Variants in BANP observed in about 807,000 individuals in gnomAD.
The protein encoded by BANP is BTG3 associated nuclear protein, also known as protein BANP.
Under a neutral mutation model 68.1 loss-of-function variants are expected in BANP, and 11 were observed. The ratio of observed to expected loss-of-function variants is 0.16; its 90% CI spans 0.10 to 0.27. The LOEUF (loss-of-function observed/expected upper bound fraction) is 0.27, where lower values mean the gene tolerates loss of function less well. Ranked by LOEUF, BANP falls within the 10% of genes least tolerant of loss-of-function variation. The probability of loss-of-function intolerance (pLI) is 1.00; values close to 1 mark genes in which losing one functional copy is unlikely to be tolerated. For missense variants in BANP, 504 were observed against 722.7 expected (o/e 0.70, Z 3.47); for synonymous variants, 329 against 303.2 (o/e 1.09, Z -0.88).
intron 1 of BANP, among the ~76,000 whole-genome samples, chr16:87,973,276 G>A (rs960147067): frequency 6.6e-6 from 1 of 151,582 alleles, no homozygotes; most frequent in African/African-American, 2.4e-5. Flanking sequence ...TTTTGTTAGG[G>A]ACAGTTGATT....
intron 6 of BANP, among the ~76,000 whole-genome samples, chr16:88,009,566 G>A (rs1460314334): frequency 2.6e-5 from 4 of 152,130 alleles, no homozygotes; most frequent in Non-Finnish European, 4.4e-5. Flanking sequence ...CATTACACAC[G>A]CTCCACTGGA....
intron 7 of BANP, among the ~76,000 whole-genome samples, chr16:88,024,527 G>T (rs1327401053): frequency 1.3e-5 from 2 of 152,242 alleles, no homozygotes; most frequent in African/African-American, 4.8e-5. Flanking sequence ...GCTCAGTGCT[G>T]TCAGAAAAGG....
intron 1 of BANP, among the ~76,000 whole-genome samples, chr16:87,973,488 C>T (rs887738367): frequency 2.6e-5 from 4 of 152,140 alleles, no homozygotes; most frequent in African/African-American, 7.2e-5. Flanking sequence ...AGGCCGGGCG[C>T]GGTGGCTCAC....
intron 5 of BANP, among the ~76,000 whole-genome samples, chr16:88,005,374 CTT>C (rs1424939037): frequency 1.3e-5 from 2 of 152,148 alleles, no homozygotes; most frequent in Non-Finnish European, 2.9e-5. Flanking sequence ...TTTTTTTTGA[CTT>C]TGCATATAGA....
intron 1 of BANP, among the ~76,000 whole-genome samples, chr16:87,970,382 T>C (rs56251630): frequency 0.24 from 36,801 of 152,112 alleles, 4,970 homozygotes; most frequent in East Asian, 0.49. Context: ...TGTGTGTTTT[T>C]CTTTTTCTGA....
chr16:87,975,268 T>C (rs2061805405), intron 2 of BANP, 83 bp downstream of exon 2: 2 of 1,405,318 alleles, frequency 1.4e-6, no homozygotes, highest in Non-Finnish European at 1.0e-6. Context: ...TTTTCTTTCC[T>C]TTAAGCAGAA....
At chr16:87,973,688 G>C (rs528748052) in intron 1 of BANP, among the ~76,000 whole-genome samples, 2 of 148,482 alleles carry the variant, frequency 1.3e-5, no homozygotes, top group African/African-American at 4.9e-5. Context: ...GAACCCAGGA[G>C]GTGGAGGTAA....
intron 13 of BANP, among the ~76,000 whole-genome samples, chr16:88,072,566 C>T (rs1053703322): frequency 6.6e-6 from 1 of 152,232 alleles, no homozygotes; most frequent in Admixed American, 6.5e-5. Context: ...CCCTGCCCCA[C>T]TCGTTGAAGG....
intron 5 of BANP, among the ~76,000 whole-genome samples, chr16:88,005,044 A>G (rs938649573): frequency 2.6e-5 from 4 of 151,930 alleles, no homozygotes; most frequent in Admixed American, 6.5e-5. Context: ...ACAAAGTTCT[A>G]TTTGCTTTTT....
chr16:88,063,274 C>T (rs1372618821), intron 11 of BANP, among the ~76,000 whole-genome samples: 1 of 152,244 alleles, frequency 6.6e-6, no homozygotes, highest in African/African-American at 2.4e-5. Flanking sequence ...CCTCTCAGCC[C>T]TCCCCTCCCC....
At chr16:87,991,338 T>G (rs1257303273) in intron 4 of BANP, among the ~76,000 whole-genome samples, 5 of 152,232 alleles carry the variant, frequency 3.3e-5, no homozygotes, top group African/African-American at 4.8e-5. Context: ...GCTTTAGAGA[T>G]ACAATCTAAT....
intron 1 of BANP, among the ~76,000 whole-genome samples, chr16:87,973,768 A>AAAAAGAAAG (rs34197268): frequency 0.15 from 15,436 of 100,868 alleles, 691 homozygotes; most frequent in East Asian, 0.34. Context: ...AAAAAAAAAA[A>AAAAAGAAAG]AAAAAAGAAA....
intron 1 of BANP, among the ~76,000 whole-genome samples, chr16:87,953,470 G>A (rs1023295500): frequency 2.0e-5 from 3 of 152,116 alleles, no homozygotes; most frequent in Admixed American, 1.3e-4. Context: ...CTTAGTAGCC[G>A]CTAATACAGG....
At chr16:88,015,422 C>T (rs1449487775) in intron 6 of BANP, among the ~76,000 whole-genome samples, 1 of 152,250 alleles carries the variant, frequency 6.6e-6, no homozygotes, top group East Asian at 1.9e-4. Flanking sequence ...GTGACTGGGC[C>T]CTGCTTGGTT....
At chr16:87,971,133 TTGAACATTG>T (rs1194924894) in intron 1 of BANP, among the ~76,000 whole-genome samples, 4 of 152,258 alleles carry the variant, frequency 2.6e-5, no homozygotes, top group African/African-American at 9.6e-5. Flanking sequence ...CTTATAGCCA[TTGAACATTG>T]TGAACATTGT....
intron 11 of BANP, among the ~76,000 whole-genome samples, chr16:88,060,644 T>C (rs1038079252): frequency 3.9e-5 from 6 of 152,208 alleles, no homozygotes; most frequent in African/African-American, 1.4e-4. Flanking sequence ...AGGTGGCCTC[T>C]TTCTGTGGGG....
At chr16:88,001,531 A>G (rs1347046698) in intron 4 of BANP, among the ~76,000 whole-genome samples, 4 of 152,258 alleles carry the variant, frequency 2.6e-5, no homozygotes, top group Admixed American at 6.5e-5. Context: ...TAATTTAAAA[A>G]AAGTATTCTT....
At position 88,071,935 on chromosome 16, in the gene BANP, G is replaced by A; in HGVS notation, c.1378-134G>A. 8.6e-7 allele frequency: 1 copy of A among 1,162,692 alleles called. No individual in the cohort carries two copies. Among genetic ancestry groups the A allele is most frequent in the Non-Finnish European group, 1.2e-6 (1 of 809,490 alleles). The allele number at this position is 1,162,692 out of a possible 1,614,324, so 72.0% of individuals were successfully genotyped here. A position where few individuals can be genotyped will look rare whatever the true frequency, so the allele number is the denominator to read the frequency against. On this transcript the variant is annotated intron_variant, in intron 12 of 13. Transcript: ENST00000682872. The surrounding 1 kb of genome is among the most constrained non-coding windows in gnomAD (Gnocchi z 6.5). ...GATGTGCCGCAGAGTCCTCGGTGTG[G>A]CCCTGAGGCCGTGTCCCTGCCGCTC...
chr16:87,985,159 G>A (rs1164832961), intron 4 of BANP, among the ~76,000 whole-genome samples: 3 of 152,228 alleles, frequency 2.0e-5, no homozygotes, highest in East Asian at 1.9e-4. Flanking sequence ...TGTGGGCCTC[G>A]CCAGGGGGTG....
Sources: gnomAD v4.1 joint callset for allele counts (sites outside exome capture counted in the v4.1 genomes callset) on GRCh38, gnomAD v4.1.1 for gene constraint, Gnocchi (gnomAD v3.1) non-coding constraint, MANE v1.5 for transcripts, NCBI Gene and HGNC (gene_info 2026-07-23, HGNC 2026-07-21) for gene names.